The following CCDC3 variants were observed in gnomAD, a reference collection of about 807,000 sequenced individuals.
CCDC3 encodes the protein coiled-coil domain containing 3.
Under a neutral mutation model 21.4 loss-of-function variants are expected in CCDC3, and 24 were observed. That is an observed-to-expected ratio of 1.12 (90% confidence interval 0.81 to 1.58). The LOEUF (loss-of-function observed/expected upper bound fraction) is 1.58, where lower values mean the gene tolerates loss of function less well. Among genes scored for constraint, CCDC3 ranks in the 40% most tolerant of loss-of-function variants. CCDC3 has a pLI of 0.00. For synonymous variants in CCDC3, 186 were observed against 166.0 expected, an observed-to-expected ratio of 1.12 and a Z score of -0.93; for missense variants, 425 against 360.9, an observed-to-expected ratio of 1.18 and a Z score of -1.44.
chr10:12,959,402 AG>A (rs1247589251), intron 2 of CCDC3, among the ~76,000 whole-genome samples: 1 of 152,120 alleles, frequency 6.6e-6, no homozygotes, highest in Non-Finnish European at 1.5e-5. Context: ...TCCTGGCCTC[AG>A]GGGATCCACC....
intron 5 of CCDC3, among the ~76,000 whole-genome samples, chr10:13,036,060 C>T (rs1296539075): frequency 6.6e-6 from 1 of 152,166 alleles, no homozygotes; most frequent in South Asian, 2.1e-4. Flanking sequence ...AGGGGAATCG[C>T]TTGAACCCAG....
intron 1 of CCDC3, among the ~76,000 whole-genome samples, chr10:13,000,727 T>TA (rs1232004589): frequency 6.6e-6 from 1 of 152,200 alleles, no homozygotes; most frequent in Non-Finnish European, 1.5e-5. Context: ...CAACCAGCCC[T>TA]GTCTCTCACT....
chr10:13,049,287 G>C (rs1179726604), intron 5 of CCDC3, among the ~76,000 whole-genome samples: 1 of 152,122 alleles, frequency 6.6e-6, no homozygotes, highest in Non-Finnish European at 1.5e-5. Flanking sequence ...ACCTGCTGGG[G>C]GGAAAAAGCC....
chr10:13,060,332 C>T (rs1659842), intron 4 of CCDC3, among the ~76,000 whole-genome samples: 87,422 of 151,718 alleles, frequency 0.58, 26,118 homozygotes, highest in African/African-American at 0.73. Context: ...GAAAACTGCA[C>T]AGAGTAAGAA....
At chr10:12,947,133 C>A (rs1235425908) in intron 2 of CCDC3, among the ~76,000 whole-genome samples, 1 of 150,574 alleles carries the variant, frequency 6.6e-6, no homozygotes, top group East Asian at 1.9e-4. Flanking sequence ...CCATTCTCAT[C>A]TTTTGCTCAC....
intron 4 of CCDC3, among the ~76,000 whole-genome samples, chr10:13,072,380 G>A (rs568159516): frequency 3.8e-4 from 58 of 152,224 alleles, no homozygotes; most frequent in African/African-American, 1.2e-3. Flanking sequence ...TCTAACCGCC[G>A]TTGGATGTAC....
chr10:12,974,824 T>A (rs1835391969), intron 2 of CCDC3, among the ~76,000 whole-genome samples: 1 of 152,222 alleles, frequency 6.6e-6, no homozygotes, highest in African/African-American at 2.4e-5. Flanking sequence ...GCCTTTGGAT[T>A]TCATGGCAGC....
intron 2 of CCDC3, among the ~76,000 whole-genome samples, chr10:12,925,277 A>G (rs949821766): frequency 2.6e-5 from 4 of 152,162 alleles, no homozygotes; most frequent in Admixed American, 1.3e-4. Flanking sequence ...GAGAGCTGTT[A>G]AGGTCCCCAA....
chr10:12,948,663 C>T (rs899790252), intron 2 of CCDC3, among the ~76,000 whole-genome samples: 11 of 150,852 alleles, frequency 7.3e-5, no homozygotes, highest in East Asian at 5.9e-4. Flanking sequence ...TTACTAGAAG[C>T]GCTAAATTTG....
At chr10:13,019,633 T>G (rs1347793331) in intron 5 of CCDC3, among the ~76,000 whole-genome samples, 1 of 152,234 alleles carries the variant, frequency 6.6e-6, no homozygotes, top group African/African-American at 2.4e-5. Context: ...ACATTATAAC[T>G]TAATGCTGGT....
intron 5 of CCDC3, among the ~76,000 whole-genome samples, chr10:13,042,264 C>A (rs1312447747): frequency 6.6e-6 from 1 of 152,194 alleles, no homozygotes; most frequent in Non-Finnish European, 1.5e-5. Context: ...TGCAAATCTG[C>A]AAATCATTGC....
rs1834020014 is a variant in CCDC3 at position 12,897,593 on chromosome 10, A to G, written c.*823T>C. The G allele has an allele frequency of 6.6e-6, 1 of 152,152 alleles. No individual in the cohort carries two copies. The highest frequency in any genetic ancestry group is 2.4e-5 in the African/African-American group (1 of 41,426). 9.4% of individuals were successfully genotyped at this position (152,152 alleles called of 1,614,324 possible). A position where few individuals can be genotyped will look rare whatever the true frequency, so the allele number is the denominator to read the frequency against. On this transcript the variant is annotated 3_prime_UTR_variant, in exon 3 of 3. Coordinates refer to ENST00000378825, the MANE Select transcript of CCDC3 (RefSeq NM_031455.4). ...CACTTTGAGTTCAGAGACATTAGAA[A>G]CAATTACTCAGCAAACAAGAAGTTA... is the stretch of plus-strand genomic sequence containing the variant.
At chr10:13,040,214 G>A (rs948077469) in intron 5 of CCDC3, among the ~76,000 whole-genome samples, 2 of 152,026 alleles carry the variant, frequency 1.3e-5, no homozygotes, top group African/African-American at 2.4e-5. Flanking sequence ...AGTTTTTCAC[G>A]ATACCCAGAT....
chr10:12,967,570 A>G (rs1589024797), intron 2 of CCDC3, among the ~76,000 whole-genome samples: 1 of 152,174 alleles, frequency 6.6e-6, no homozygotes, highest in Non-Finnish European at 1.5e-5. Flanking sequence ...TCAAGGAGAA[A>G]AAAAGTCTGT....
chr10:13,059,889 C>T (rs1836733125), intron 4 of CCDC3, among the ~76,000 whole-genome samples: 2 of 152,180 alleles, frequency 1.3e-5, no homozygotes, highest in South Asian at 2.1e-4. Flanking sequence ...GGAGATGAGA[C>T]CATCCTGGCC....
At chr10:13,010,254 A>AT (rs1835968928) in intron 5 of CCDC3, among the ~76,000 whole-genome samples, 1 of 152,174 alleles carries the variant, frequency 6.6e-6, no homozygotes, top group Non-Finnish European at 1.5e-5. Flanking sequence ...TTTCAAAAAA[A>AT]CAAAAAAACA....
chr10:13,036,231 G>A (rs1482277120), intron 5 of CCDC3, among the ~76,000 whole-genome samples: 1 of 152,124 alleles, frequency 6.6e-6, no homozygotes, highest in Non-Finnish European at 1.5e-5. Context: ...GAAATATTGT[G>A]TTGGGGGATA....
chr10:12,917,180 C>CTTTTTTTTTTTTTT (rs56054100), intron 2 of CCDC3, among the ~76,000 whole-genome samples: 4 of 58,220 alleles, frequency 6.9e-5, no homozygotes, highest in African/African-American at 2.7e-4. Context: ...ATTTCTTCTT[C>CTTTTTTTTTTTTTT]TTTTTTTTTT....
intron 5 of CCDC3, among the ~76,000 whole-genome samples, chr10:13,045,787 T>A (rs953665603): frequency 6.6e-6 from 1 of 152,094 alleles, no homozygotes; most frequent in African/African-American, 2.4e-5. Flanking sequence ...AAAACTTTTT[T>A]CATGTAAAGA....
Sources: allele counts gnomAD v4.1 joint callset (sites outside exome capture counted in the v4.1 genomes callset), GRCh38; gene constraint gnomAD v4.1.1; transcripts MANE v1.5; gene names NCBI Gene and HGNC (gene_info 2026-07-23, HGNC 2026-07-21).